DCAF8L2: variants seen among roughly 807,000 people sequenced by gnomAD.
The protein encoded by DCAF8L2 is DDB1 and CUL4 associated factor 8 like 2.
For synonymous variants in DCAF8L2, 200 were observed against 190.9 expected (o/e 1.05, Z -0.39); for missense variants, 430 against 490.7 (o/e 0.88, Z 1.17).
intron 2 of DCAF8L2, among the ~76,000 whole-genome samples, chrX:27,669,816 T>G (rs921138071): frequency 1.6e-4 from 18 of 111,730 alleles, no homozygotes; most frequent in Non-Finnish European, 3.4e-4. Context: ...TCCTTTTTTA[T>G]GGCTGCATAG....
At chrX:27,542,803 A>G in the DCAF8L2 span, among the ~76,000 whole-genome samples, 1 of 109,695 alleles carries the variant, frequency 9.1e-6, no homozygotes, top group African/African-American at 3.3e-5. Context: ...CGGCCTCCCA[A>G]AGTCTTTGCC....
intron 1 of DCAF8L2, among the ~76,000 whole-genome samples, chrX:27,626,233 G>C (rs1318233348): frequency 9.0e-6 from 1 of 111,065 alleles, no homozygotes; most frequent in South Asian, 3.8e-4. Flanking sequence ...GCTGCAAGAC[G>C]GGAGCTGGGA....
chrX:27,524,496 A>G, the DCAF8L2 span, among the ~76,000 whole-genome samples: 1 of 105,510 alleles, frequency 9.5e-6, no homozygotes, highest in Non-Finnish European at 2.0e-5. Flanking sequence ...GGATTCATTG[A>G]TTTTTTGAAG....
the DCAF8L2 span, among the ~76,000 whole-genome samples, chrX:27,496,025 A>G: frequency 9.0e-6 from 1 of 111,485 alleles, no homozygotes; most frequent in Non-Finnish European, 1.9e-5. Flanking sequence ...TATGTATGCC[A>G]TGTCATTAAT....
intron 3 of DCAF8L2, among the ~76,000 whole-genome samples, chrX:27,685,686 T>C (rs1380140252): frequency 8.9e-6 from 1 of 111,809 alleles, no homozygotes; most frequent in Non-Finnish European, 1.9e-5. Flanking sequence ...TATATTTTTG[T>C]GTAAGACCTC....
chrX:27,706,386 A>C (rs1931346696), intron 3 of DCAF8L2, among the ~76,000 whole-genome samples: 2 of 110,875 alleles, frequency 1.8e-5, no homozygotes, highest in South Asian at 7.5e-4. Flanking sequence ...ATAGCATTGA[A>C]TCTGTAAATT....
Position 27,747,870 on chromosome X carries a change from T to C in DCAF8L2, c.975T>C (p.Ala325=). The change falls in exon 5 of 5, where the codon GCT becomes GCC. Residue 325 remains alanine (A), a synonymous_variant. Coordinates refer to ENST00000451261, the MANE Select transcript of DCAF8L2 (RefSeq NM_001353450.2). ...ACAGGGGACCTGCCCACAAGTTGGC[T>C]CTGGAGCCTGACTCTCCTTATAAGT... ...AQHRGPAHKL[A]LEPDSPYKFL... is the part of the protein sequence containing the mutation. 1 of 1,210,286 alleles carries C rather than the reference T, an allele frequency of 8.3e-7. No homozygotes were observed. The highest frequency in any genetic ancestry group is 1.1e-6 in the Non-Finnish European group (1 of 894,494).
chrX:27,618,575 T>C (rs1927584936), intron 1 of DCAF8L2, among the ~76,000 whole-genome samples: 1 of 111,853 alleles, frequency 8.9e-6, no homozygotes, highest in Non-Finnish European at 1.9e-5. Context: ...GTCATTCATC[T>C]TGGAGTGCAG....
chrX:27,669,326 G>A (rs1480198971), intron 2 of DCAF8L2, among the ~76,000 whole-genome samples: 1 of 110,450 alleles, frequency 9.1e-6, no homozygotes, highest in Non-Finnish European at 1.9e-5. Context: ...ATCACTGACT[G>A]TTAGAATCTC....
At chrX:27,671,353 T>C (rs1280907208) in intron 2 of DCAF8L2, among the ~76,000 whole-genome samples, 2 of 112,194 alleles carry the variant, frequency 1.8e-5, no homozygotes, top group African/African-American at 6.5e-5. Context: ...ATAACTGCTA[T>C]ATACTTCTCA....
At chrX:27,711,377 ATGTG>A (rs758790378) in intron 3 of DCAF8L2, among the ~76,000 whole-genome samples, 9 of 96,347 alleles carry the variant, frequency 9.3e-5, no homozygotes, top group South Asian at 4.6e-4. Context: ...CTACATCTAT[ATGTG>A]TGTGTGTGTG....
At chrX:27,615,695 T>C (rs1013631938) in intron 1 of DCAF8L2, among the ~76,000 whole-genome samples, 3 of 111,281 alleles carry the variant, frequency 2.7e-5, no homozygotes, top group Non-Finnish European at 5.7e-5. Flanking sequence ...TTGTTCATTA[T>C]CAATTTTAAG....
At chrX:27,647,641 C>T (rs753221873) in intron 2 of DCAF8L2, among the ~76,000 whole-genome samples, 1 of 111,173 alleles carries the variant, frequency 9.0e-6, no homozygotes, top group East Asian at 2.8e-4. Context: ...GGCACCTTTA[C>T]AGCTGGGAAT....
At chrX:27,738,316 A>C (rs1163052805) in intron 4 of DCAF8L2, among the ~76,000 whole-genome samples, 1 of 111,611 alleles carries the variant, frequency 9.0e-6, no homozygotes, top group Non-Finnish European at 1.9e-5. Flanking sequence ...GCTCTGAATC[A>C]TCCTATCCTC....
chrX:27,547,820 G>GCTCT, the DCAF8L2 span, among the ~76,000 whole-genome samples: 30 of 66,648 alleles, frequency 4.5e-4, no homozygotes, highest in South Asian at 8.7e-4. Flanking sequence ...TTCCCCATTT[G>GCTCT]CTCTCTCTCT....
intron 1 of DCAF8L2, among the ~76,000 whole-genome samples, chrX:27,614,467 A>G (rs1366078989): frequency 9.1e-6 from 1 of 109,963 alleles, no homozygotes; most frequent in African/African-American, 3.3e-5. Context: ...TTCTGCTCTG[A>G]TCTTAGTTAT....
At chrX:27,616,858 G>C (rs1223461757) in intron 1 of DCAF8L2, among the ~76,000 whole-genome samples, 1 of 111,348 alleles carries the variant, frequency 9.0e-6, no homozygotes, top group Non-Finnish European at 1.9e-5. Context: ...AGAAAATATT[G>C]GGGGCAAGAT....
intron 2 of DCAF8L2, among the ~76,000 whole-genome samples, chrX:27,636,477 A>G (rs764921225): frequency 8.9e-6 from 1 of 111,944 alleles, no homozygotes; most frequent in South Asian, 3.7e-4. Flanking sequence ...GTAACTCCCT[A>G]GAAAATCAGA....
At chrX:27,621,699 A>G (rs180766049) in intron 1 of DCAF8L2, among the ~76,000 whole-genome samples, 10 of 111,976 alleles carry the variant, frequency 8.9e-5, no homozygotes, top group Admixed American at 4.7e-4. Context: ...TAGGAGTTCT[A>G]TTAAGATGCT....
Sources: allele counts gnomAD v4.1 joint callset (sites outside exome capture counted in the v4.1 genomes callset), GRCh38; gene constraint gnomAD v4.1.1; transcripts MANE v1.5; gene names NCBI Gene and HGNC (gene_info 2026-07-23, HGNC 2026-07-21).